RPS6KC1: variants seen among roughly 807,000 people sequenced by gnomAD.
RPS6KC1 encodes the protein ribosomal protein S6 kinase C1, also known as inactive ribosomal protein S6 kinase delta-1.
A neutral mutation model predicts 103.8 loss-of-function variants in RPS6KC1; 54 were observed. The observed-to-expected ratio is 0.52, with a 90% CI of 0.42 to 0.65. RPS6KC1 has a LOEUF of 0.65. RPS6KC1 is among the 30% of genes least tolerant of loss of function. The probability of loss-of-function intolerance (pLI) is 0.00; values close to 1 mark genes in which losing one functional copy is unlikely to be tolerated. For missense variants in RPS6KC1, 1,151 were observed against 1,253.8 expected (o/e 0.92, Z 1.24); for synonymous variants, 439 against 438.7 (o/e 1.00, Z -0.01).
At chr1:213,545,420 T>TAAAA in the RPS6KC1 span, among the ~76,000 whole-genome samples, 15 of 73,344 alleles carry the variant, frequency 2.0e-4, no homozygotes, top group African/African-American at 5.1e-4. Flanking sequence ...ATAAATAAAA[T>TAAAA]AAAATAAAAT....
the RPS6KC1 span, among the ~76,000 whole-genome samples, chr1:213,443,490 G>T: frequency 6.6e-6 from 1 of 152,070 alleles, no homozygotes; most frequent in East Asian, 1.9e-4. Context: ...TTTAGCCAGG[G>T]GTCCTAATTA....
At chr1:213,688,368 C>T in the RPS6KC1 span, among the ~76,000 whole-genome samples, 4 of 152,288 alleles carry the variant, frequency 2.6e-5, no homozygotes, top group African/African-American at 9.6e-5. Flanking sequence ...ATAAGCACAA[C>T]TGAACTTCTT....
chr1:213,728,733 G>A, the RPS6KC1 span, among the ~76,000 whole-genome samples: 1 of 152,044 alleles, frequency 6.6e-6, no homozygotes, highest in African/African-American at 2.4e-5. Flanking sequence ...GGGAGGAGGG[G>A]GGATGGCAAT....
chr1:213,098,579 G>A (rs1558312214), intron 3 of RPS6KC1, among the ~76,000 whole-genome samples: 2 of 152,104 alleles, frequency 1.3e-5, no homozygotes. Flanking sequence ...TGAGGAAAGG[G>A]AGATTGGGTA....
chr1:213,649,033 C>T, the RPS6KC1 span, among the ~76,000 whole-genome samples: 1 of 152,074 alleles, frequency 6.6e-6, no homozygotes, highest in Non-Finnish European at 1.5e-5. Context: ...TTTGTACCAA[C>T]CCTCTCACTT....
chr1:213,783,626 T>C, the RPS6KC1 span, among the ~76,000 whole-genome samples: 1 of 151,344 alleles, frequency 6.6e-6, no homozygotes, highest in South Asian at 2.1e-4. Context: ...GTAGTTTGAT[T>C]TACTGTTGTC....
At chr1:213,571,450 AGAG>A in the RPS6KC1 span, among the ~76,000 whole-genome samples, 1 of 152,154 alleles carries the variant, frequency 6.6e-6, no homozygotes, top group South Asian at 2.1e-4. Context: ...TGGGAAGCAG[AGAG>A]GAGATAGGGC....
intron 10 of RPS6KC1, among the ~76,000 whole-genome samples, chr1:213,233,619 A>G (rs936495107): frequency 7.9e-5 from 12 of 151,900 alleles, no homozygotes; most frequent in African/African-American, 2.9e-4. Context: ...TTCCTTCTCC[A>G]TATCATTTTT....
the RPS6KC1 span, among the ~76,000 whole-genome samples, chr1:213,459,078 T>G: frequency 1.3e-5 from 2 of 152,186 alleles, no homozygotes; most frequent in Non-Finnish European, 2.9e-5. Flanking sequence ...TTTTTTGTTG[T>G]GTCTCTGCCA....
At chr1:213,257,086 T>TA (rs2094663585) in intron 12 of RPS6KC1, among the ~76,000 whole-genome samples, 1 of 152,158 alleles carries the variant, frequency 6.6e-6, no homozygotes, top group African/African-American at 2.4e-5. Context: ...CCTCCCCACA[T>TA]ACAAAAGTCT....
the RPS6KC1 span, among the ~76,000 whole-genome samples, chr1:213,768,775 A>G: frequency 6.6e-6 from 1 of 152,350 alleles, no homozygotes; most frequent in East Asian, 1.9e-4. Flanking sequence ...GAGTCAAAAC[A>G]CCAAAATGGA....
chr1:213,210,022 C>A (rs2093461608), intron 8 of RPS6KC1, among the ~76,000 whole-genome samples: 1 of 152,060 alleles, frequency 6.6e-6, no homozygotes, highest in Non-Finnish European at 1.5e-5. Context: ...TGACTTTTGT[C>A]ATTATATTGG....
the RPS6KC1 span, among the ~76,000 whole-genome samples, chr1:213,780,407 A>G: frequency 1.3e-5 from 2 of 152,148 alleles, no homozygotes; most frequent in Non-Finnish European, 2.9e-5. Flanking sequence ...AAGGATCTTC[A>G]TCTATAGGAG....
chr1:213,384,923 A>G, the RPS6KC1 span, among the ~76,000 whole-genome samples: 7 of 152,188 alleles, frequency 4.6e-5, no homozygotes, highest in East Asian at 9.6e-4. Context: ...CAGGGATTTT[A>G]AACCCAGGCA....
chr1:213,604,152 T>C, the RPS6KC1 span, among the ~76,000 whole-genome samples: 1 of 152,238 alleles, frequency 6.6e-6, no homozygotes, highest in Non-Finnish European at 1.5e-5. Context: ...CCCAGTGCGA[T>C]AATATTTGGT....
chr1:213,309,779 G>A, the RPS6KC1 span, among the ~76,000 whole-genome samples: 2 of 152,172 alleles, frequency 1.3e-5, no homozygotes, highest in African/African-American at 4.8e-5. Context: ...CTGCCTCCCG[G>A]GTTCAAGCGA....
At chr1:213,604,975 A>G in the RPS6KC1 span, among the ~76,000 whole-genome samples, 3 of 152,110 alleles carry the variant, frequency 2.0e-5, no homozygotes, top group Non-Finnish European at 4.4e-5. Context: ...CTGTTCTCTC[A>G]TATCTTGTTT....
the RPS6KC1 span, among the ~76,000 whole-genome samples, chr1:213,419,458 A>G: frequency 6.6e-6 from 1 of 152,192 alleles, no homozygotes; most frequent in Non-Finnish European, 1.5e-5. Context: ...ACCAGGCATG[A>G]TCTATTTAAC....
At chr1:213,757,337 C>T in the RPS6KC1 span, among the ~76,000 whole-genome samples, 1 of 152,152 alleles carries the variant, frequency 6.6e-6, no homozygotes, top group Admixed American at 6.5e-5. Flanking sequence ...AAGTACTACT[C>T]CAGTGAACAC....
Sources: gnomAD v4.1 joint callset for allele counts (sites outside exome capture counted in the v4.1 genomes callset) on GRCh38, gnomAD v4.1.1 for gene constraint, MANE v1.5 for transcripts, NCBI Gene and HGNC (gene_info 2026-07-23, HGNC 2026-07-21) for gene names.